C8orf34: variants seen among roughly 807,000 people sequenced by gnomAD.
C8orf34 encodes uncharacterized protein C8orf34.
C8orf34 carries 65 observed loss-of-function variants against 68.3 expected under a neutral mutation model. The ratio of observed to expected loss-of-function variants is 0.95; its 90% CI spans 0.78 to 1.17. The LOEUF (loss-of-function observed/expected upper bound fraction) is 1.17, where lower values mean the gene tolerates loss of function less well. C8orf34 is among the 50% of genes most tolerant of loss of function. C8orf34 has a pLI of 0.00. For synonymous variants in C8orf34, 244 were observed against 241.2 expected (o/e 1.01, Z -0.11); for missense variants, 664 against 655.4 (o/e 1.01, Z -0.14).
intron 1 of C8orf34, among the ~76,000 whole-genome samples, chr8:68,423,808 G>T (rs1810089024): frequency 1.3e-5 from 2 of 152,102 alleles, no homozygotes; most frequent in South Asian, 4.1e-4. Context: ...GGAGGCCTCA[G>T]GAAACTTACA....
intron 7 of C8orf34, among the ~76,000 whole-genome samples, chr8:68,554,609 A>G (rs1375960727): frequency 1.3e-5 from 2 of 152,156 alleles, no homozygotes; most frequent in African/African-American, 2.4e-5. Context: ...ATAGTTTATT[A>G]AGCATTGCTA....
intron 10 of C8orf34, among the ~76,000 whole-genome samples, chr8:68,732,945 C>A (rs1325910164): frequency 1.3e-5 from 2 of 152,114 alleles, no homozygotes; most frequent in South Asian, 2.1e-4. Flanking sequence ...GCACCTGTAA[C>A]CCCAGTTACT....
chr8:68,544,272 A>T (rs1008404162), intron 7 of C8orf34, among the ~76,000 whole-genome samples: 1 of 152,200 alleles, frequency 6.6e-6, no homozygotes, highest in South Asian at 2.1e-4. Context: ...CTGAGCTGGG[A>T]CACATCGTAG....
intron 10 of C8orf34, among the ~76,000 whole-genome samples, chr8:68,770,845 C>T (rs553735211): frequency 2.2e-4 from 33 of 152,154 alleles, no homozygotes; most frequent in African/African-American, 7.0e-4. Context: ...AAGGCATTAA[C>T]CTCTAAAGGA....
chr8:68,414,515 T>A (rs1364194088), intron 1 of C8orf34, among the ~76,000 whole-genome samples: 1 of 152,240 alleles, frequency 6.6e-6, no homozygotes, highest in African/African-American at 2.4e-5. Context: ...AAAAAGCTTT[T>A]AGTAACACTA....
At chr8:68,579,491 T>C (rs1437080483) in intron 7 of C8orf34, among the ~76,000 whole-genome samples, 3 of 152,174 alleles carry the variant, frequency 2.0e-5, no homozygotes, top group African/African-American at 7.2e-5. Flanking sequence ...AACTAAACCT[T>C]GACTACTATT....
At chr8:68,359,000 A>G (rs950677757) in intron 1 of C8orf34, among the ~76,000 whole-genome samples, 2 of 152,100 alleles carry the variant, frequency 1.3e-5, no homozygotes, top group Admixed American at 6.5e-5. Context: ...CAACTGGCCT[A>G]TATATTTATT....
chr8:68,527,911 G>C (rs905650362), intron 6 of C8orf34, among the ~76,000 whole-genome samples: 4 of 152,172 alleles, frequency 2.6e-5, no homozygotes, highest in African/African-American at 9.7e-5. Flanking sequence ...TCCACAGGCT[G>C]TGGGGCTGGA....
intron 7 of C8orf34, among the ~76,000 whole-genome samples, chr8:68,628,521 C>T (rs145916113): frequency 1.5e-4 from 23 of 152,250 alleles, no homozygotes; most frequent in African/African-American, 5.3e-4. Context: ...AAGTCCCGAT[C>T]TGTTTTCTTA....
intron 12 of C8orf34, among the ~76,000 whole-genome samples, chr8:68,805,919 T>G (rs1438860183): frequency 6.6e-6 from 1 of 152,102 alleles, no homozygotes; most frequent in Non-Finnish European, 1.5e-5. Flanking sequence ...TTCATTTTCC[T>G]TCTTTCTTGC....
rs199977504 is a variant in C8orf34 at position 68,685,108 on chromosome 8, G to GAAA, written c.1242-23886_1242-23885insAAA. 4.3e-3 allele frequency among the ~76,000 whole-genome samples: 661 copies of GAAA among 152,226 alleles called. 10 individuals carry two copies. Among genetic ancestry groups the GAAA allele is most frequent in the African/African-American group, 0.015 (623 of 41,550 alleles). On this transcript the variant is annotated intron_variant, in intron 8 of 13. Coordinates refer to ENST00000518698, the MANE Select transcript of C8orf34 (RefSeq NM_052958.4). ...GTATAACTCTTTCATACTAAGGTAT[G>GAAA]TTTTAACTCTTTCATACTACGGTAA...
chr8:68,437,014 C>G (rs924920978), intron 1 of C8orf34, among the ~76,000 whole-genome samples: 1 of 152,200 alleles, frequency 6.6e-6, no homozygotes, highest in Non-Finnish European at 1.5e-5. Flanking sequence ...CTTGCAAATA[C>G]AATCATTTAA....
At chr8:68,641,482 T>C (rs566997507) in intron 8 of C8orf34, among the ~76,000 whole-genome samples, 15 of 152,324 alleles carry the variant, frequency 9.8e-5, no homozygotes, top group African/African-American at 3.4e-4. Context: ...GAAACATTGC[T>C]TCAGACAAGT....
intron 10 of C8orf34, among the ~76,000 whole-genome samples, chr8:68,732,672 C>T (rs1431871653): frequency 6.6e-6 from 1 of 152,132 alleles, no homozygotes; most frequent in Admixed American, 6.6e-5. Context: ...CAATATTAGA[C>T]AAATATTACC....
intron 1 of C8orf34, among the ~76,000 whole-genome samples, chr8:68,349,253 T>C (rs755605393): frequency 5.9e-5 from 9 of 152,110 alleles, no homozygotes; most frequent in Non-Finnish European, 1.0e-4. Context: ...TTGTCTTTAG[T>C]TCTGTTTATG....
intron 10 of C8orf34, among the ~76,000 whole-genome samples, chr8:68,745,301 C>T (rs536178135): frequency 3.9e-5 from 6 of 152,112 alleles, no homozygotes; most frequent in African/African-American, 1.2e-4. Flanking sequence ...TAAAGACCAT[C>T]GAGACTAGGA....
intron 12 of C8orf34, among the ~76,000 whole-genome samples, chr8:68,806,277 A>G (rs951601746): frequency 3.3e-5 from 5 of 151,782 alleles, no homozygotes; most frequent in African/African-American, 1.2e-4. Flanking sequence ...CTTTTTTTCA[A>G]TATCTCTGAA....
chr8:68,733,074 A>T (rs924243677), intron 10 of C8orf34, among the ~76,000 whole-genome samples: 2 of 152,200 alleles, frequency 1.3e-5, no homozygotes, highest in Admixed American at 1.3e-4. Flanking sequence ...AACAAAAAAA[A>T]AGAAACAGTT....
intron 10 of C8orf34, among the ~76,000 whole-genome samples, chr8:68,773,190 A>G (rs549461008): frequency 6.2e-4 from 94 of 152,212 alleles, no homozygotes; most frequent in Middle Eastern, 3.4e-3. Context: ...GAATGCTGGC[A>G]TTTCACTGGT....
Sources: gnomAD v4.1 joint callset for allele counts (sites outside exome capture counted in the v4.1 genomes callset) on GRCh38, gnomAD v4.1.1 for gene constraint, MANE v1.5 for transcripts, NCBI Gene and HGNC (gene_info 2026-07-23, HGNC 2026-07-21) for gene names.